NCAM2: variants seen among roughly 807,000 people sequenced by gnomAD.
The protein encoded by NCAM2 is N-CAM-2.
Under a neutral mutation model 98.1 loss-of-function variants are expected in NCAM2, and 30 were observed. The ratio of observed to expected loss-of-function variants is 0.31; its 90% CI spans 0.23 to 0.41. The LOEUF (loss-of-function observed/expected upper bound fraction) is 0.41, where lower values mean the gene tolerates loss of function less well. NCAM2 is among the 10% of genes least tolerant of loss of function. The pLI is 1.00. For missense variants in NCAM2, 867 were observed against 1,005.8 expected, an observed-to-expected ratio of 0.86 and a Z score of 1.87; for synonymous variants, 368 against 342.4, an observed-to-expected ratio of 1.07 and a Z score of -0.83.
intron 1 of NCAM2, among the ~76,000 whole-genome samples, chr21:21,087,449 C>G (rs1263981531): frequency 6.6e-6 from 1 of 152,132 alleles, no homozygotes; most frequent in Non-Finnish European, 1.5e-5. Context: ...CCACACAGCT[C>G]TTTATCCTCC....
chr21:21,177,784 A>T (rs1256032532), intron 1 of NCAM2, among the ~76,000 whole-genome samples: 1 of 106,076 alleles, frequency 9.4e-6, no homozygotes. Context: ...TGCCCTCCCC[A>T]CTCTCCTCTC....
chr21:21,086,816 A>G (rs1285355635), intron 1 of NCAM2, among the ~76,000 whole-genome samples: 1 of 152,060 alleles, frequency 6.6e-6, no homozygotes, highest in Non-Finnish European at 1.5e-5. Context: ...AAGAGATTTC[A>G]GTTTAAATGC....
intron 1 of NCAM2, among the ~76,000 whole-genome samples, chr21:21,257,115 G>A (rs1040922747): frequency 6.6e-6 from 1 of 152,164 alleles, no homozygotes; most frequent in Non-Finnish European, 1.5e-5. Context: ...GGAGATCTTT[G>A]TACTATTTCA....
chr21:21,134,379 C>T (rs1218708798), intron 1 of NCAM2, among the ~76,000 whole-genome samples: 2 of 151,974 alleles, frequency 1.3e-5, no homozygotes. Context: ...CAGCACTGCT[C>T]TTCTATTTGC....
intron 1 of NCAM2, among the ~76,000 whole-genome samples, chr21:21,079,733 A>G (rs2065753313): frequency 6.6e-6 from 1 of 152,118 alleles, no homozygotes; most frequent in African/African-American, 2.4e-5. Context: ...TAAAAGACTC[A>G]TCTCCTTAAA....
chr21:21,432,216 A>G lies in NCAM2; in HGVS notation c.1589A>G (p.Tyr530Cys). The change falls in exon 12 of 18, where the codon TAT becomes TGT. Residue 530 changes from tyrosine (Y) to cysteine (C), a missense_variant. Transcript: ENST00000400546. The part of the protein sequence containing the change: ...DSHGGVPIHH[Y>C]QVDVKEVASE... ...CATGGAGGTGTACCTATTCATCACT[A>G]TCAGGTGGATGTCAAAGAAGTAGCG... 2 of 1,614,082 alleles carry G rather than the reference A, an allele frequency of 1.2e-6. No individual in the cohort carries two copies. Among genetic ancestry groups the G allele is most frequent in the Non-Finnish European group, 1.7e-6 (2 of 1,179,968 alleles).
At chr21:21,452,607 T>C (rs1981328498) in intron 12 of NCAM2, among the ~76,000 whole-genome samples, 1 of 117,618 alleles carries the variant, frequency 8.5e-6, no homozygotes, top group African/African-American at 3.3e-5. Flanking sequence ...TATAATTGTA[T>C]ATATAGTATA....
chr21:21,397,808 G>A lies in NCAM2; in HGVS notation c.1196-12466G>A, dbSNP rs1466118702. Among the ~76,000 whole-genome samples the A allele has an allele frequency of 2.6e-5, 4 of 152,214 alleles. No homozygotes were observed. In the South Asian group the frequency reaches 8.3e-4, roughly 32 times the overall value. Reference sequence around the variant, plus strand: ...CAAACCTGGCCAGACCTCCCCAACTGCAGCTGGCATCTTCACAGTGGCTGC... The same window carrying A: ...CAAACCTGGCCAGACCTCCCCAACTACAGCTGGCATCTTCACAGTGGCTGC... On this transcript the variant is annotated intron_variant, in intron 9 of 17. Coordinates refer to ENST00000400546, the MANE Select transcript of NCAM2 (RefSeq NM_004540.5).
At chr21:21,340,810 T>C (rs1168761207) in intron 8 of NCAM2, among the ~76,000 whole-genome samples, 3 of 152,032 alleles carry the variant, frequency 2.0e-5, no homozygotes, top group African/African-American at 7.2e-5. Flanking sequence ...CCATTTATGA[T>C]GCCTCAGCAT....
intron 12 of NCAM2, among the ~76,000 whole-genome samples, chr21:21,435,647 T>G (rs114842530): frequency 0.012 from 1,854 of 152,234 alleles, 43 homozygotes; most frequent in African/African-American, 0.043. Flanking sequence ...TTTTTTCTTC[T>G]CTCTATGAAT....
chr21:21,023,429 C>T (rs996177658), intron 1 of NCAM2, among the ~76,000 whole-genome samples: 3 of 151,088 alleles, frequency 2.0e-5, no homozygotes, highest in East Asian at 1.9e-4. Context: ...TAGGCTGAGG[C>T]GGGAGAATCA....
intron 1 of NCAM2, among the ~76,000 whole-genome samples, chr21:21,168,813 C>T (rs2068034501): frequency 6.6e-6 from 1 of 152,112 alleles, no homozygotes; most frequent in African/African-American, 2.4e-5. Flanking sequence ...AATTCAGATA[C>T]ATTCTTAGCT....
intron 11 of NCAM2, among the ~76,000 whole-genome samples, chr21:21,429,446 A>G (rs370940654): frequency 3.9e-5 from 6 of 152,178 alleles, no homozygotes; most frequent in Non-Finnish European, 8.8e-5. Flanking sequence ...CATGTCCCCA[A>G]ACTGGAGTGT....
chr21:21,003,622 T>A (rs1487429217), intron 1 of NCAM2, among the ~76,000 whole-genome samples: 2 of 152,204 alleles, frequency 1.3e-5, no homozygotes, highest in Non-Finnish European at 2.9e-5. Flanking sequence ...TTATATTTTT[T>A]AATAATGTGT....
chr21:21,415,563 C>A (rs990501569), intron 10 of NCAM2, among the ~76,000 whole-genome samples: 7 of 151,970 alleles, frequency 4.6e-5, no homozygotes, highest in South Asian at 2.1e-4. Context: ...TCTCGATCTC[C>A]TGACCTCGTG....
intron 12 of NCAM2, among the ~76,000 whole-genome samples, chr21:21,447,660 A>T (rs1179190617): frequency 6.6e-6 from 1 of 152,200 alleles, no homozygotes; most frequent in Non-Finnish European, 1.5e-5. Context: ...CAAAAGTCTG[A>T]TATCCATAAT....
At chr21:21,394,757 G>T (rs764236594) in intron 9 of NCAM2, among the ~76,000 whole-genome samples, 3 of 151,896 alleles carry the variant, frequency 2.0e-5, no homozygotes, top group African/African-American at 7.3e-5. Context: ...AAAGTGCTGG[G>T]CCAGCTTCTT....
chr21:21,280,798 T>C lies in NCAM2; in HGVS notation c.130+146T>C, dbSNP rs914398339. 3.5e-5 allele frequency: 20 copies of C among 569,680 alleles called. No homozygotes were observed. In the African/African-American group the frequency reaches 3.9e-4, roughly 11 times the overall value. The allele number at this position is 569,680 out of a possible 1,614,324, so 35.3% of individuals were successfully genotyped here. ...TTTTTTGTTTTTGTTTTTGTTGTTT[T>C]TGAGACAGAGCCTCGCTCTGTCTCC... On this transcript the variant is annotated intron_variant, in intron 2 of 17. Coordinates refer to ENST00000400546, the MANE Select transcript of NCAM2 (RefSeq NM_004540.5).
In NCAM2 at chr21:21,542,979, TAGAA is replaced by T. The variant is rs1489160542; in HGVS notation, c.*5024_*5027del. ...TTTAGCATTTGCCTCTAAACCCTGT[TAGAA>T]ATATGTGAAGTTAGAAATAAAGGTT... On this transcript the variant is annotated 3_prime_UTR_variant, in exon 18 of 18. Coordinates refer to ENST00000400546, the MANE Select transcript of NCAM2 (RefSeq NM_004540.5). The T allele has an allele frequency of 6.7e-6, 1 of 149,506 alleles. No individual in the cohort carries two copies. The highest frequency in any genetic ancestry group is 2.5e-5 in the African/African-American group (1 of 40,190). The allele number at this position is 149,506 out of a possible 1,614,324, so 9.3% of individuals were successfully genotyped here.
Sources: gnomAD v4.1 joint callset for allele counts (sites outside exome capture counted in the v4.1 genomes callset) on GRCh38, gnomAD v4.1.1 for gene constraint, MANE v1.5 for transcripts, NCBI Gene and HGNC (gene_info 2026-07-23, HGNC 2026-07-21) for gene names.